GULP1: variants seen among roughly 807,000 people sequenced by gnomAD.
GULP1 encodes the protein GULP PTB domain containing engulfment adaptor 1.
In GULP1, 19 loss-of-function variants were observed where a neutral mutation model predicts 40.9. The observed-to-expected ratio is 0.46, with a 90% confidence interval of 0.32 to 0.68. The LOEUF (loss-of-function observed/expected upper bound fraction) is 0.68. GULP1 is among the 30% of genes least tolerant of loss of function. GULP1 has a pLI of 0.03. For missense variants in GULP1, 312 were observed against 362.2 expected (o/e 0.86, Z 1.12); for synonymous variants, 119 against 117.6 (o/e 1.01, Z -0.08).
intron 2 of GULP1, among the ~76,000 whole-genome samples, chr2:188,463,059 T>A (rs1477702412): frequency 2.6e-5 from 4 of 152,222 alleles, no homozygotes; most frequent in African/African-American, 9.6e-5. Context: ...TAAACTGTGA[T>A]TACAGTGTTG....
chr2:188,530,638 C>T (rs1015773192), intron 6 of GULP1, among the ~76,000 whole-genome samples: 1 of 152,130 alleles, frequency 6.6e-6, no homozygotes, highest in Non-Finnish European at 1.5e-5. Flanking sequence ...CAGCAATCTG[C>T]AAGCCAAAGA....
intron 6 of GULP1, among the ~76,000 whole-genome samples, chr2:188,538,706 T>A (rs1004139092): frequency 3.3e-5 from 5 of 150,042 alleles, no homozygotes; most frequent in Non-Finnish European, 7.4e-5. Flanking sequence ...TGTGTGTGTG[T>A]GTGTGTGTGT....
At chr2:188,340,466 T>A (rs1042672818) in intron 1 of GULP1, among the ~76,000 whole-genome samples, 1 of 152,170 alleles carries the variant, frequency 6.6e-6, no homozygotes, top group African/African-American at 2.4e-5. Context: ...CAAGTGCTTC[T>A]GGGCACCAGC....
intron 2 of GULP1, among the ~76,000 whole-genome samples, chr2:188,468,849 A>G (rs1415918640): frequency 1.3e-5 from 2 of 152,182 alleles, no homozygotes; most frequent in African/African-American, 4.8e-5. Flanking sequence ...CAATTGCAAT[A>G]AGGAAAATAT....
chr2:188,446,314 T>C (rs913009703), intron 2 of GULP1, among the ~76,000 whole-genome samples: 1 of 152,166 alleles, frequency 6.6e-6, no homozygotes, highest in Admixed American at 6.5e-5. Flanking sequence ...GGATAATAGC[T>C]ATTTTCTGGG....
At chr2:188,554,388 C>A (rs1694233153) in intron 7 of GULP1, among the ~76,000 whole-genome samples, 2 of 151,598 alleles carry the variant, frequency 1.3e-5, no homozygotes, top group South Asian at 4.2e-4. Flanking sequence ...ATCTTAATTT[C>A]TTTGTCAACC....
chr2:188,431,311 A>G (rs1334019158), intron 2 of GULP1, among the ~76,000 whole-genome samples: 1 of 152,174 alleles, frequency 6.6e-6, no homozygotes, highest in East Asian at 1.9e-4. Context: ...AAAGTGTTAC[A>G]GGAGCCAACA....
intron 11 of GULP1, 194 bp downstream of exon 11, chr2:188,588,143 T>C (rs953798502): frequency 3.4e-6 from 2 of 589,054 alleles, no homozygotes; most frequent in East Asian, 6.0e-5. Flanking sequence ...ATAAGGTTGT[T>C]GGTTTTTTAA....
chr2:188,488,158 C>T (rs2062024291), intron 4 of GULP1, among the ~76,000 whole-genome samples: 1 of 151,978 alleles, frequency 6.6e-6, no homozygotes, highest in African/African-American at 2.4e-5. Flanking sequence ...ACCTACGTAT[C>T]TGACATGCTC....
intron 2 of GULP1, among the ~76,000 whole-genome samples, chr2:188,416,183 C>T (rs1198687629): frequency 2.0e-5 from 3 of 151,922 alleles, no homozygotes; most frequent in African/African-American, 7.3e-5. Context: ...TTTTTCCTCC[C>T]TTGCTTCCTC....
At chr2:188,401,547 C>T (rs1428437088) in intron 2 of GULP1, among the ~76,000 whole-genome samples, 1 of 151,920 alleles carries the variant, frequency 6.6e-6, no homozygotes, top group African/African-American at 2.4e-5. Flanking sequence ...TATTTTTAAA[C>T]ATGAGTGATT....
chr2:188,329,674 T>G (rs1408404057), intron 1 of GULP1, among the ~76,000 whole-genome samples: 1 of 152,124 alleles, frequency 6.6e-6, no homozygotes, highest in Admixed American at 6.6e-5. Context: ...TGTGTCACTT[T>G]TGCTACTATT....
chr2:188,333,665 A>G (rs1303077797), intron 1 of GULP1, among the ~76,000 whole-genome samples: 2 of 152,202 alleles, frequency 1.3e-5, no homozygotes, highest in East Asian at 3.9e-4. Context: ...GTTGTATGTT[A>G]AGAAAAGCCA....
chr2:188,554,245 A>G (rs906499645), intron 7 of GULP1, among the ~76,000 whole-genome samples: 1 of 151,814 alleles, frequency 6.6e-6, no homozygotes, highest in African/African-American at 2.4e-5. Context: ...AGTTGTTAAC[A>G]TGTTATCTTT....
intron 4 of GULP1, among the ~76,000 whole-genome samples, chr2:188,492,380 G>C (rs1398398417): frequency 6.6e-6 from 1 of 151,918 alleles, no homozygotes; most frequent in East Asian, 1.9e-4. Flanking sequence ...ATAGACTTTT[G>C]GTTAACAGTA....
At chr2:188,396,628 CG>C (rs2051311385) in intron 2 of GULP1, among the ~76,000 whole-genome samples, 2 of 152,224 alleles carry the variant, frequency 1.3e-5, no homozygotes, top group Non-Finnish European at 1.5e-5. Context: ...AGGCCACAGC[CG>C]TCCCAGTCTG....
chr2:188,569,507 C>A, intron 8 of GULP1, 152 bp downstream of exon 8: 1 of 642,902 alleles, frequency 1.6e-6, no homozygotes, highest in Non-Finnish European at 2.8e-6. Flanking sequence ...ATTTTTCGTT[C>A]CTGATCCCCT....
chr2:188,537,252 T>A (rs1689175840), intron 6 of GULP1, among the ~76,000 whole-genome samples: 1 of 152,036 alleles, frequency 6.6e-6, no homozygotes, highest in Admixed American at 6.6e-5. Context: ...GTGGGCATCC[T>A]TGTCTTGTTC....
At chr2:188,485,312 C>T (rs978049653) in intron 4 of GULP1, among the ~76,000 whole-genome samples, 1 of 151,952 alleles carries the variant, frequency 6.6e-6, no homozygotes, top group African/African-American at 2.4e-5. Context: ...AGACATTCTA[C>T]AGGAAGTAGA....
Sources: allele counts gnomAD v4.1 joint callset (sites outside exome capture counted in the v4.1 genomes callset), GRCh38; gene constraint gnomAD v4.1.1; transcripts MANE v1.5; gene names NCBI Gene and HGNC (gene_info 2026-07-23, HGNC 2026-07-21).